Variants in PDE1A observed in about 807,000 individuals in gnomAD.
PDE1A encodes the protein phosphodiesterase 1A.
A neutral mutation model predicts 61.7 loss-of-function variants in PDE1A; 35 were observed. The ratio of observed to expected loss-of-function variants is 0.57; its 90% confidence interval spans 0.43 to 0.75. The LOEUF (loss-of-function observed/expected upper bound fraction) is 0.75. Among genes scored for constraint, PDE1A ranks in the 30% least tolerant of loss-of-function variants. PDE1A has a pLI of 0.00. For missense variants in PDE1A, 597 were observed against 630.6 expected, an observed-to-expected ratio of 0.95 and a Z score of 0.57; for synonymous variants, 232 against 213.2, an observed-to-expected ratio of 1.09 and a Z score of -0.77.
At chr2:182,495,610 C>T (rs967916521) in intron 2 of PDE1A, among the ~76,000 whole-genome samples, 2 of 152,148 alleles carry the variant, frequency 1.3e-5, no homozygotes, top group African/African-American at 2.4e-5. Flanking sequence ...GGACCTTTAA[C>T]TTTCCTCTAA....
At chr2:182,467,040 T>A (rs1247771012) in intron 2 of PDE1A, among the ~76,000 whole-genome samples, 1 of 151,206 alleles carries the variant, frequency 6.6e-6, no homozygotes, top group Non-Finnish European at 1.5e-5. Context: ...AGTGTATGCA[T>A]AGCTTATATC....
intron 7 of PDE1A, among the ~76,000 whole-genome samples, chr2:182,216,248 G>T (rs1299662130): frequency 4.6e-5 from 3 of 65,522 alleles, no homozygotes; most frequent in African/African-American, 1.7e-4. Flanking sequence ...CATAAATTAG[G>T]TATTGATGGG....
At chr2:182,443,343 A>T (rs1300564348) in intron 2 of PDE1A, among the ~76,000 whole-genome samples, 6 of 152,034 alleles carry the variant, frequency 3.9e-5, no homozygotes, top group African/African-American at 1.4e-4. Flanking sequence ...CATAAATCAC[A>T]TATATATAAT....
At chr2:182,692,676 T>TATATATATATAAAATATATATATGTA in the PDE1A span, among the ~76,000 whole-genome samples, 11 of 147,824 alleles carry the variant, frequency 7.4e-5, no homozygotes, top group Admixed American at 6.8e-4. Context: ...AATAAAAATA[T>TATATATATATAAAATATATATATGTA]ATATATATAT....
intron 1 of PDE1A, among the ~76,000 whole-genome samples, chr2:182,268,033 A>T (rs1692756963): frequency 6.6e-6 from 1 of 152,148 alleles, no homozygotes; most frequent in African/African-American, 2.4e-5. Flanking sequence ...TAATTTAGCA[A>T]AAATTCTTTT....
chr2:182,263,196 C>T (rs1331194788), intron 2 of PDE1A, among the ~76,000 whole-genome samples: 2 of 152,118 alleles, frequency 1.3e-5, no homozygotes, highest in African/African-American at 2.4e-5. Context: ...CAATGCGGTG[C>T]GAGAGGCAGG....
intron 1 of PDE1A, among the ~76,000 whole-genome samples, chr2:182,274,223 G>A (rs907185093): frequency 6.6e-6 from 1 of 152,044 alleles, no homozygotes; most frequent in East Asian, 1.9e-4. Context: ...ATTTTGGGGT[G>A]ACACAAATAT....
intron 6 of PDE1A, 67 bp downstream of exon 6, chr2:182,229,939 A>G (rs1349964346): frequency 8.0e-7 from 1 of 1,250,418 alleles, no homozygotes; most frequent in Non-Finnish European, 1.1e-6. Context: ...AGACAATAGA[A>G]ACTTATAGGA....
At chr2:182,558,684 T>G in the PDE1A span, among the ~76,000 whole-genome samples, 2 of 152,168 alleles carry the variant, frequency 1.3e-5, no homozygotes, top group African/African-American at 2.4e-5. Context: ...ATGACAAGAG[T>G]GATTTATAAA....
At chr2:182,375,480 G>A (rs1426711109) in intron 1 of PDE1A, among the ~76,000 whole-genome samples, 2 of 152,190 alleles carry the variant, frequency 1.3e-5, no homozygotes, top group Non-Finnish European at 2.9e-5. Context: ...CTTACATCCA[G>A]GTCACACTGA....
chr2:182,314,859 C>T (rs371492655), intron 1 of PDE1A, among the ~76,000 whole-genome samples: 2 of 152,014 alleles, frequency 1.3e-5, no homozygotes, highest in African/African-American at 2.4e-5. Context: ...TCAATAAAAC[C>T]GTTTTTAGAA....
At chr2:182,585,378 T>C in the PDE1A span, among the ~76,000 whole-genome samples, 2 of 152,202 alleles carry the variant, frequency 1.3e-5, no homozygotes, top group African/African-American at 4.8e-5. Flanking sequence ...CAATCAGAGA[T>C]TTCTCCATTA....
chr2:182,422,764 A>G (rs1430475917), intron 1 of PDE1A, among the ~76,000 whole-genome samples: 3 of 152,210 alleles, frequency 2.0e-5, no homozygotes, highest in Non-Finnish European at 4.4e-5. Flanking sequence ...GGGAATATAG[A>G]AACAAAGGTT....
chr2:182,704,732 C>T, the PDE1A span, among the ~76,000 whole-genome samples: 1 of 152,198 alleles, frequency 6.6e-6, no homozygotes, highest in South Asian at 2.1e-4. Context: ...TAAAGGTCAA[C>T]TAGATTTTCA....
chr2:182,692,743 C>A, the PDE1A span, among the ~76,000 whole-genome samples: 1 of 149,702 alleles, frequency 6.7e-6, no homozygotes, highest in Non-Finnish European at 1.5e-5. Flanking sequence ...AGATATAAAA[C>A]AATCTGGACT....
the PDE1A span, among the ~76,000 whole-genome samples, chr2:182,547,949 G>C: frequency 6.6e-6 from 1 of 152,096 alleles, no homozygotes; most frequent in Non-Finnish European, 1.5e-5. Flanking sequence ...TCGAGAAACC[G>C]AGAAGTAGGG....
rs187331292 is a variant in PDE1A at position 182,461,563 on chromosome 2, C to T, written c.101+60713G>A. ...TGAGCCAGAAACCAATAATCCCTCACCAGCCATATCATAACCCATGATGGA... is the reference window on the plus strand; with the variant it reads ...TGAGCCAGAAACCAATAATCCCTCATCAGCCATATCATAACCCATGATGGA... On this transcript the variant is annotated intron_variant, in intron 2 of 14. Coordinates refer to the PDE1A transcript ENST00000410103. Among the ~76,000 whole-genome samples, 718 of 152,280 alleles carry T rather than the reference C, an allele frequency of 4.7e-3. 6 individuals carry two copies. The highest frequency in any genetic ancestry group is 0.027 in the Middle Eastern group (8 of 294).
the PDE1A span, among the ~76,000 whole-genome samples, chr2:182,566,849 T>A: frequency 6.6e-6 from 1 of 152,216 alleles, no homozygotes; most frequent in Non-Finnish European, 1.5e-5. Flanking sequence ...TAAACTTAGC[T>A]TTGCATAACA....
chr2:182,626,804 T>C, the PDE1A span, among the ~76,000 whole-genome samples: 391 of 15,964 alleles, frequency 0.024, 68 homozygotes, highest in African/African-American at 0.057. Context: ...TATATATACA[T>C]ATATATATAC....
Sources: allele counts gnomAD v4.1 joint callset (sites outside exome capture counted in the v4.1 genomes callset), GRCh38; gene constraint gnomAD v4.1.1; transcripts MANE v1.5; gene names NCBI Gene and HGNC (gene_info 2026-07-23, HGNC 2026-07-21).